Variants in ARHGAP8 observed in about 807,000 individuals in gnomAD.
The protein encoded by ARHGAP8 is rho GTPase-activating protein 8.
In ARHGAP8, 62 loss-of-function variants were observed where a neutral mutation model predicts 46.1. The ratio of observed to expected loss-of-function variants is 1.34; its 90% CI spans 1.10 to 1.66. The LOEUF (loss-of-function observed/expected upper bound fraction) is 1.66, where lower values mean the gene tolerates loss of function less well. Among genes scored for constraint, ARHGAP8 ranks in the 40% most tolerant of loss-of-function variants. ARHGAP8 has a pLI of 0.00. For synonymous variants in ARHGAP8, 375 were observed against 243.1 expected, an observed-to-expected ratio of 1.54 and a Z score of -5.05; for missense variants, 923 against 568.4, an observed-to-expected ratio of 1.62 and a Z score of -6.34.
At chr22:44,784,147 T>C (rs996265674) in intron 1 of ARHGAP8, among the ~76,000 whole-genome samples, 1 of 152,096 alleles carries the variant, frequency 6.6e-6, no homozygotes, top group Admixed American at 6.5e-5. Context: ...CTCACACCTG[T>C]AATCCCAGCA....
chr22:44,856,565 CGCCCGGCCTGT>C (rs1555922038), intron 10 of ARHGAP8, among the ~76,000 whole-genome samples: 10 of 146,368 alleles, frequency 6.8e-5, no homozygotes, highest in South Asian at 2.1e-4. Flanking sequence ...TGAGCCACCG[CGCCCGGCCTGT>C]AAATTCTTGG....
chr22:44,861,409 G>A (rs534049854), intron 11 of ARHGAP8, among the ~76,000 whole-genome samples: 2 of 152,212 alleles, frequency 1.3e-5, no homozygotes, highest in African/African-American at 2.4e-5. Flanking sequence ...GCTTGAGGAG[G>A]GGTGGCCTGC....
chr22:44,826,419 A>G (rs1427322294), intron 7 of ARHGAP8, among the ~76,000 whole-genome samples: 5 of 151,996 alleles, frequency 3.3e-5, no homozygotes, highest in Admixed American at 2.0e-4. Flanking sequence ...TATTCCTGTT[A>G]TACTACCTTT....
intron 11 of ARHGAP8, among the ~76,000 whole-genome samples, chr22:44,860,705 G>A (rs938302219): frequency 6.6e-6 from 1 of 152,074 alleles, no homozygotes; most frequent in African/African-American, 2.4e-5. Flanking sequence ...TGGGCTTAGT[G>A]TGCTCTCCCC....
chr22:44,808,959 A>G, intron 4 of ARHGAP8: 1 of 390,144 alleles, frequency 2.6e-6, no homozygotes, highest in South Asian at 1.9e-5. Flanking sequence ...CTGGGACTAC[A>G]GGCGTTCACC....
At chr22:44,809,600 C>A in intron 4 of ARHGAP8, 1 of 178,314 alleles carries the variant, frequency 5.6e-6, no homozygotes. Flanking sequence ...GGCAGGATCC[C>A]ACCCCAGGCC....
chr22:44,810,268 G>C (rs112647594), intron 4 of ARHGAP8, among the ~76,000 whole-genome samples: 4 of 133,620 alleles, frequency 3.0e-5, no homozygotes, highest in Admixed American at 8.3e-5. Flanking sequence ...TTGAGACAGA[G>C]TCTCATTCTA....
intron 11 of ARHGAP8, 73 bp from the exon 12 acceptor site, chr22:44,862,202 G>T: frequency 6.6e-7 from 1 of 1,519,812 alleles, no homozygotes. Context: ...CTCTCCCTAA[G>T]TTCGGGAGGG....
intron 7 of ARHGAP8, among the ~76,000 whole-genome samples, chr22:44,828,522 TC>T (rs1930698919): frequency 6.7e-6 from 1 of 149,942 alleles, no homozygotes; most frequent in Admixed American, 6.7e-5. Flanking sequence ...GGATCTCGGC[TC>T]CCTGCAACCT....
intron 2 of ARHGAP8, among the ~76,000 whole-genome samples, chr22:44,796,062 C>T (rs1156532414): frequency 1.3e-5 from 2 of 152,178 alleles, no homozygotes; most frequent in Non-Finnish European, 2.9e-5. Flanking sequence ...AGTCAGACCT[C>T]AGTCCTTGCC....
At chr22:44,859,610 A>C (rs574863708) in intron 10 of ARHGAP8, 121 bp from the exon 11 acceptor site, 29 of 1,088,142 alleles carry the variant, frequency 2.7e-5, no homozygotes, top group Non-Finnish European at 2.8e-5. Flanking sequence ...TCCCAAGCCC[A>C]AATGTGGGAT....
chr22:44,840,675 G>T (rs1388953208), intron 7 of ARHGAP8, among the ~76,000 whole-genome samples: 1 of 146,622 alleles, frequency 6.8e-6, no homozygotes, highest in Non-Finnish European at 1.5e-5. Flanking sequence ...GACCGCCTCT[G>T]TGTGGCCTGG....
At chr22:44,779,579 T>TTTTTTTA (rs1926687879) in intron 1 of ARHGAP8, among the ~76,000 whole-genome samples, 1 of 149,244 alleles carries the variant, frequency 6.7e-6, no homozygotes, top group Non-Finnish European at 1.5e-5. Flanking sequence ...TTTTTTTTTT[T>TTTTTTTA]GAGTTGGAGT....
chr22:44,778,583 G>C (rs984726734), intron 1 of ARHGAP8, among the ~76,000 whole-genome samples: 1 of 152,162 alleles, frequency 6.6e-6, no homozygotes, highest in Non-Finnish European at 1.5e-5. Flanking sequence ...TCTACGTTTA[G>C]TTCTTTAAGG....
rs750148075 is a variant in ARHGAP8, at chr22:44,801,262, CTA to C, written c.80-813_80-812del. On this transcript the variant is annotated intron_variant, in intron 2 of 11. Transcript: ENST00000356099. ...TGGGGGCGCCTCTCCCCGCAGCTGTCTATGTGTGAGGGGCGCCTCTCCCCGCA... is the reference window on the plus strand; with the variant it reads ...TGGGGGCGCCTCTCCCCGCAGCTGTCTGTGTGAGGGGCGCCTCTCCCCGCA... Among the ~76,000 whole-genome samples, 41 of 114,576 alleles carry C rather than the reference CTA, an allele frequency of 3.6e-4. 2 individuals carry two copies. The highest frequency in any genetic ancestry group is 5.6e-4 in the Non-Finnish European group (32 of 56,872). The allele number at this position is 114,576 out of a possible 152,430, so 75.2% of individuals were successfully genotyped here. A position where few individuals can be genotyped will look rare whatever the true frequency, so the allele number is the denominator to read the frequency against.
intron 1 of ARHGAP8, among the ~76,000 whole-genome samples, chr22:44,755,385 A>T (rs972846150): frequency 1.3e-5 from 2 of 152,246 alleles, no homozygotes; most frequent in African/African-American, 4.8e-5. Flanking sequence ...TGAAATTAGC[A>T]TGGGGAGAGA....
At chr22:44,798,661 A>G (rs1265459129) in intron 2 of ARHGAP8, among the ~76,000 whole-genome samples, 2 of 151,706 alleles carry the variant, frequency 1.3e-5, no homozygotes, top group Admixed American at 6.6e-5. Context: ...AGCGCTGCCC[A>G]GTGGAACGTT....
intron 1 of ARHGAP8, among the ~76,000 whole-genome samples, chr22:44,760,906 G>A (rs986993262): frequency 5.9e-5 from 9 of 152,218 alleles, no homozygotes; most frequent in Non-Finnish European, 1.2e-4. Context: ...GAGAGAAAGG[G>A]CTTGTCAGGG....
intron 1 of ARHGAP8, among the ~76,000 whole-genome samples, chr22:44,772,332 TTTTTTGTATTTTC>T (rs1926092402): frequency 7.3e-6 from 1 of 136,064 alleles, no homozygotes; most frequent in Non-Finnish European, 1.5e-5. Flanking sequence ...GATTGACTTT[TTTTTTGTATTTTC>T]TTTTTTCTTT....
Sources: allele counts gnomAD v4.1 joint callset (sites outside exome capture counted in the v4.1 genomes callset), GRCh38; gene constraint gnomAD v4.1.1; transcripts MANE v1.5; gene names NCBI Gene and HGNC (gene_info 2026-07-23, HGNC 2026-07-21).